CA7: variants seen among roughly 807,000 people sequenced by gnomAD.
The protein encoded by CA7 is carbonate dehydratase VII.
A neutral mutation model predicts 31.4 loss-of-function variants in CA7; 13 were observed. That is an observed-to-expected ratio of 0.41 (90% CI 0.27 to 0.66). The LOEUF is 0.66. CA7 is among the 30% of genes least tolerant of loss of function. The pLI, the probability that CA7 is intolerant of heterozygous loss-of-function variation, is 0.28. For synonymous variants in CA7, 128 were observed against 133.2 expected (o/e 0.96, Z 0.27); for missense variants, 215 against 351.0 (o/e 0.61, Z 3.10).
intron 2 of CA7, among the ~76,000 whole-genome samples, chr16:66,849,341 C>T (rs138617622): frequency 6.6e-6 from 1 of 152,188 alleles, no homozygotes; most frequent in East Asian, 1.9e-4. Flanking sequence ...AGCTACCCTC[C>T]TCTTCTGGAA....
intron 2 of CA7, 111 bp from the exon 3 acceptor site, chr16:66,850,430 G>A (rs1008967911): frequency 1.4e-6 from 1 of 728,350 alleles, no homozygotes; most frequent in South Asian, 1.5e-5. Context: ...AACAGAGCGA[G>A]ACCCTGACTC....
At chr16:66,844,905 T>C (rs1726403831) in intron 1 of CA7, 1 of 1,040,268 alleles carries the variant, frequency 9.6e-7, no homozygotes, top group African/African-American at 1.7e-5. Context: ...CGGAGCGCTG[T>C]GCGCGGGTGT....
intron 3 of CA7, among the ~76,000 whole-genome samples, chr16:66,851,247 C>T (rs1961041371): frequency 6.6e-6 from 1 of 152,224 alleles, no homozygotes; most frequent in African/African-American, 2.4e-5. Flanking sequence ...TTTGGGTCCC[C>T]CGGAGCCCAG....
chr16:66,853,332 C>T lies in CA7; in HGVS notation c.673-44C>T, dbSNP rs778214531. 2.5e-6 allele frequency: 4 copies of T among 1,612,702 alleles called. No homozygotes were observed. Among genetic ancestry groups the T allele is most frequent in the Non-Finnish European group, 3.4e-6 (4 of 1,179,112 alleles). On this transcript the variant is annotated intron_variant, in intron 6 of 6. Coordinates refer to ENST00000338437, the MANE Select transcript of CA7 (RefSeq NM_005182.3). The surrounding 1 kb of genome is among the most constrained non-coding windows in gnomAD (Gnocchi z 4.5). ...ATGCATCTGGGGTCATAGAGGACCACAGCACCCCCAATCTGCCCTGAGCAT... is the reference window on the plus strand; with the variant it reads ...ATGCATCTGGGGTCATAGAGGACCATAGCACCCCCAATCTGCCCTGAGCAT...
At chr16:66,844,652 C>T (rs1960885559) in intron 1 of CA7, 125 bp downstream of exon 1, 1 of 772,560 alleles carries the variant, frequency 1.3e-6, no homozygotes, top group Non-Finnish European at 2.0e-6. Flanking sequence ...GGGCGGGACC[C>T]CTCTTCCCAT....
intron 1 of CA7, 112 bp from the exon 2 acceptor site, chr16:66,846,918 A>T: frequency 1.2e-6 from 1 of 812,100 alleles, no homozygotes; most frequent in East Asian, 2.7e-5. Flanking sequence ...GCTCCAATGC[A>T]GGGGCTCACC....
intron 3 of CA7, 143 bp from the exon 4 acceptor site, chr16:66,851,320 C>T (rs1362882953): frequency 2.6e-6 from 2 of 765,738 alleles, no homozygotes; most frequent in East Asian, 2.5e-5. Flanking sequence ...CCCCTGGACC[C>T]CCCAGCATCC....
chr16:66,850,780 G>A, intron 3 of CA7, 121 bp downstream of exon 3: 2 of 708,856 alleles, frequency 2.8e-6, no homozygotes, highest in South Asian at 1.6e-5. Context: ...AGCACCCGGG[G>A]CCTTTGGGAG....
intron 5 of CA7, among the ~76,000 whole-genome samples, chr16:66,852,289 C>G (rs371746863): frequency 6.6e-6 from 1 of 151,878 alleles, no homozygotes; most frequent in Admixed American, 6.6e-5. Context: ...ATGGTGAAAC[C>G]CTGTCTCTAC....
chr16:66,844,879 CG>C, intron 1 of CA7: 1 of 1,067,642 alleles, frequency 9.4e-7, no homozygotes, highest in Non-Finnish European at 1.1e-6. Flanking sequence ...CCCAGGGCAG[CG>C]GGGGGCGGGC....
chr16:66,848,034 A>G (rs1960963964), intron 2 of CA7, among the ~76,000 whole-genome samples: 1 of 152,180 alleles, frequency 6.6e-6, no homozygotes, highest in East Asian at 1.9e-4. Flanking sequence ...AAGTATTAAT[A>G]ACTGGTTCCT....
chr16:66,848,479 G>A (rs754622978), intron 2 of CA7, among the ~76,000 whole-genome samples: 4 of 152,196 alleles, frequency 2.6e-5, no homozygotes, highest in Non-Finnish European at 5.9e-5. Context: ...GGTGGGAGAA[G>A]ACACAGGGGG....
Position 66,853,562 on chromosome 16 carries a change from C to T in CA7, c.*64C>T. 6.3e-7 allele frequency: 1 copy of T among 1,597,132 alleles called. No individual in the cohort carries two copies. Among genetic ancestry groups the T allele is most frequent in the South Asian group, 1.1e-5 (1 of 90,212 alleles). ...TCTCAAGGGCTTCCATGTCAGCAGA[C>T]ACCAAACCATCTGAGGCTTCCTCCC... On this transcript the variant is annotated 3_prime_UTR_variant, in exon 7 of 7. Coordinates refer to ENST00000338437, the MANE Select transcript of CA7 (RefSeq NM_005182.3). This position sits in a 1 kb window ranked among gnomAD's most constrained non-coding sequence, Gnocchi z 4.5.
At chr16:66,846,575 A>T (rs1030416949) in intron 1 of CA7, among the ~76,000 whole-genome samples, 1 of 152,216 alleles carries the variant, frequency 6.6e-6, no homozygotes, top group South Asian at 2.1e-4. Context: ...TGTGAGAGGC[A>T]AATACATGTC....
Position 66,850,676 on chromosome 16 carries a change from A to G in CA7, c.357+17A>G, listed in dbSNP as rs1365499707. 6.6e-7 allele frequency: 1 copy of G among 1,521,194 alleles called. No homozygotes were observed. 94.2% of individuals were successfully genotyped at this position (1,521,194 alleles called of 1,614,324 possible). On this transcript the variant is annotated intron_variant, in intron 3 of 6. Coordinates refer to ENST00000338437, the MANE Select transcript of CA7 (RefSeq NM_005182.3). ...CCCAGCGAGGTACGGGCCCTCCTCC[A>G]CTTGAATCCCTCTGCTACATGGGAA...
intron 5 of CA7, among the ~76,000 whole-genome samples, chr16:66,852,440 G>A (rs1304496526): frequency 6.7e-6 from 1 of 150,310 alleles, no homozygotes. Context: ...TCCAGCCTGG[G>A]TGACAGAGTG....
chr16:66,852,641 G>GTGGAGAAGTTGCTGGTT (rs1961088248), intron 5 of CA7, 71 bp from the exon 6 acceptor site: 15 of 1,077,362 alleles, frequency 1.4e-5, no homozygotes, highest in Non-Finnish European at 1.2e-5. Context: ...AAAGAGATGG[G>GTGGAGAAGTTGCTGGTT]TGGAGAAGTT....
At chr16:66,844,881 G>A (rs926214194) in intron 1 of CA7, 3 of 1,070,324 alleles carry the variant, frequency 2.8e-6, no homozygotes, top group Non-Finnish European at 3.4e-6. Flanking sequence ...CAGGGCAGCG[G>A]GGGGCGGGCG....
chr16:66,850,900 T>C (rs889338939), intron 3 of CA7, among the ~76,000 whole-genome samples: 1 of 152,220 alleles, frequency 6.6e-6, no homozygotes, highest in Non-Finnish European at 1.5e-5. Context: ...CCAGTCCCAC[T>C]GCAGCCTTGC....
Sources: allele counts gnomAD v4.1 joint callset (sites outside exome capture counted in the v4.1 genomes callset), GRCh38; gene constraint gnomAD v4.1.1; non-coding constraint Gnocchi (gnomAD v3.1); transcripts MANE v1.5; gene names NCBI Gene and HGNC (gene_info 2026-07-23, HGNC 2026-07-21).